Variants in DGKI observed in about 807,000 individuals in gnomAD.
DGKI encodes diacylglycerol kinase iota.
Under a neutral mutation model 147.5 loss-of-function variants are expected in DGKI, and 55 were observed. That is an observed-to-expected ratio of 0.37 (90% CI 0.30 to 0.47). The LOEUF (loss-of-function observed/expected upper bound fraction) is 0.47, where lower values mean the gene tolerates loss of function less well. Ranked by LOEUF, DGKI falls within the 20% of genes least tolerant of loss-of-function variation. The pLI, the probability that DGKI is intolerant of heterozygous loss-of-function variation, is 1.00. For synonymous variants in DGKI, 469 were observed against 477.1 expected (o/e 0.98, Z 0.22); for missense variants, 1,007 against 1,323.8 (o/e 0.76, Z 3.71).
At chr7:137,418,938 C>T (rs1812458921) in intron 28 of DGKI, among the ~76,000 whole-genome samples, 1 of 152,184 alleles carries the variant, frequency 6.6e-6, no homozygotes, top group South Asian at 2.1e-4. Flanking sequence ...TAATACTCTA[C>T]TTTCTAGCGT....
intron 21 of DGKI, among the ~76,000 whole-genome samples, chr7:137,495,709 A>G (rs1332449933): frequency 2.0e-5 from 3 of 152,096 alleles, no homozygotes; most frequent in Admixed American, 1.3e-4. Context: ...GACCAAAACT[A>G]CATGATCATC....
At chr7:137,773,631 A>G (rs1339906503) in intron 1 of DGKI, among the ~76,000 whole-genome samples, 1 of 152,230 alleles carries the variant, frequency 6.6e-6, no homozygotes, top group African/African-American at 2.4e-5. Context: ...ACATCTATCT[A>G]CTACAAGAAG....
intron 23 of DGKI, among the ~76,000 whole-genome samples, chr7:137,476,038 A>C (rs1815159692): frequency 6.6e-6 from 1 of 152,208 alleles, no homozygotes; most frequent in Admixed American, 6.5e-5. Flanking sequence ...GTTCTGGAGC[A>C]GTAGTTTTCA....
At chr7:137,411,799 A>T (rs749930081) in intron 29 of DGKI, among the ~76,000 whole-genome samples, 2 of 152,204 alleles carry the variant, frequency 1.3e-5, no homozygotes, top group Admixed American at 1.3e-4. Flanking sequence ...CACGACAAGG[A>T]AAGATTAATC....
intron 27 of DGKI, among the ~76,000 whole-genome samples, chr7:137,461,482 C>T (rs1249118814): frequency 6.6e-6 from 1 of 152,064 alleles, no homozygotes; most frequent in Non-Finnish European, 1.5e-5. Context: ...AAAAGATATT[C>T]TAAGAAATAA....
intron 27 of DGKI, among the ~76,000 whole-genome samples, chr7:137,456,904 G>A (rs1814227045): frequency 1.3e-5 from 2 of 152,150 alleles, no homozygotes; most frequent in African/African-American, 2.4e-5. Context: ...TTTCCTCCGA[G>A]TGGTTTAGGG....
intron 5 of DGKI, among the ~76,000 whole-genome samples, chr7:137,648,412 C>T (rs906061220): frequency 6.6e-6 from 1 of 152,218 alleles, no homozygotes; most frequent in African/African-American, 2.4e-5. Flanking sequence ...GAAATCTTAA[C>T]ACTGACTTCA....
chr7:137,709,656 C>T (rs1196383134), intron 1 of DGKI, among the ~76,000 whole-genome samples: 1 of 152,132 alleles, frequency 6.6e-6, no homozygotes, highest in African/African-American at 2.4e-5. Context: ...TCTCTGAAGA[C>T]CCAAGTCTCA....
chr7:137,492,775 C>A (rs1815815855), intron 21 of DGKI, among the ~76,000 whole-genome samples: 1 of 152,174 alleles, frequency 6.6e-6, no homozygotes, highest in Admixed American at 6.5e-5. Context: ...CTGAACAGAG[C>A]AGGGCCAGTC....
chr7:137,759,174 C>A (rs1032403390), intron 1 of DGKI, among the ~76,000 whole-genome samples: 1 of 152,072 alleles, frequency 6.6e-6, no homozygotes, highest in African/African-American at 2.4e-5. Flanking sequence ...CCATGTGTAT[C>A]CACTGTTTAG....
At chr7:137,655,852 T>TG (rs1444022474) in intron 4 of DGKI, among the ~76,000 whole-genome samples, 1 of 152,184 alleles carries the variant, frequency 6.6e-6, no homozygotes, top group Non-Finnish European at 1.5e-5. Flanking sequence ...GGAAAGAGGA[T>TG]GGCAGGCAAC....
intron 19 of DGKI, among the ~76,000 whole-genome samples, chr7:137,567,586 G>C (rs1818632518): frequency 6.6e-6 from 1 of 152,096 alleles, no homozygotes; most frequent in African/African-American, 2.4e-5. Context: ...AATAAATGAG[G>C]AAGAGTTGAA....
chr7:137,467,050 G>T, intron 24 of DGKI, 108 bp from the exon 25 acceptor site: 1 of 1,027,394 alleles, frequency 9.7e-7, no homozygotes, highest in Non-Finnish European at 1.5e-6. Flanking sequence ...TGGCAGTCAT[G>T]CTAGTCTCCT....
chr7:137,710,663 T>A (rs1291679762), intron 1 of DGKI, among the ~76,000 whole-genome samples: 1 of 152,098 alleles, frequency 6.6e-6, no homozygotes, highest in Non-Finnish European at 1.5e-5. Flanking sequence ...TACAAAACTA[T>A]GTAAGTTTTA....
At chr7:137,430,300 A>G (rs1813010131) in intron 28 of DGKI, among the ~76,000 whole-genome samples, 1 of 151,910 alleles carries the variant, frequency 6.6e-6, no homozygotes, top group Non-Finnish European at 1.5e-5. Context: ...AAACTATCAC[A>G]AGGACAAAAA....
At chr7:137,680,192 A>C (rs1326736910) in intron 2 of DGKI, among the ~76,000 whole-genome samples, 1 of 152,002 alleles carries the variant, frequency 6.6e-6, no homozygotes, top group Non-Finnish European at 1.5e-5. Context: ...CACGGCAAGA[A>C]AGCAGCTGTC....
chr7:137,497,603 C>T (rs1269772881), intron 21 of DGKI, among the ~76,000 whole-genome samples: 1 of 151,998 alleles, frequency 6.6e-6, no homozygotes, highest in Non-Finnish European at 1.5e-5. Flanking sequence ...TGCAATACTA[C>T]ATAGCCATTA....
intron 2 of DGKI, among the ~76,000 whole-genome samples, chr7:137,684,850 C>A (rs994117631): frequency 2.0e-5 from 3 of 152,044 alleles, no homozygotes; most frequent in African/African-American, 7.2e-5. Flanking sequence ...AAGAGGGGGG[C>A]CTGACGCCCA....
chr7:137,555,876 C>T lies in DGKI; in HGVS notation c.1948-3308G>A, dbSNP rs1033829314. ...ACAAGATGCTTTAGAAAATATGATG[C>T]TATAGCTTTTAAGGTAACAAAACTA... On this transcript the variant is annotated intron_variant, in intron 19 of 32. Coordinates refer to ENST00000614521, the MANE Select transcript of DGKI (RefSeq NM_001321708.2). Among the ~76,000 whole-genome samples the T allele has an allele frequency of 2.6e-5, 4 of 152,012 alleles. No individual in the cohort carries two copies. The East Asian group carries it at 5.8e-4, about 22-fold the overall frequency.
Sources: allele counts gnomAD v4.1 joint callset (sites outside exome capture counted in the v4.1 genomes callset), GRCh38; gene constraint gnomAD v4.1.1; transcripts MANE v1.5; gene names NCBI Gene and HGNC (gene_info 2026-07-23, HGNC 2026-07-21).